The following LINC00305 variants were observed in gnomAD, a reference collection of about 807,000 sequenced individuals.
LINC00305 encodes the protein long independently transcribed non-coding RNA 305.
At chr18:64,144,790 A>G (rs953883691) in intron 1 of LINC00305, among the ~76,000 whole-genome samples, 2 of 152,196 alleles carry the variant, frequency 1.3e-5, no homozygotes, top group Non-Finnish European at 2.9e-5. Flanking sequence ...GACTGCCAGA[A>G]CGAGCCAGCA....
intron 1 of LINC00305, among the ~76,000 whole-genome samples, chr18:64,115,338 C>A (rs183876750): frequency 2.4e-4 from 37 of 152,242 alleles, no homozygotes; most frequent in Admixed American, 2.2e-3. Flanking sequence ...CATCAGGCAA[C>A]CCATTGAGAA....
At chr18:64,127,017 A>G (rs143912750) in intron 1 of LINC00305, among the ~76,000 whole-genome samples, 1 of 152,066 alleles carries the variant, frequency 6.6e-6, no homozygotes, top group East Asian at 1.9e-4. Flanking sequence ...GGTCTAGAAA[A>G]TTTTTTAAAT....
At chr18:64,111,461 T>C (rs116684928) in intron 1 of LINC00305, among the ~76,000 whole-genome samples, 3,122 of 152,278 alleles carry the variant, frequency 0.021, 101 homozygotes, top group African/African-American at 0.071. Flanking sequence ...GCAGCTCAAA[T>C]GGAAAATAAG....
At chr18:64,136,100 C>T (rs2051432351) in intron 1 of LINC00305, among the ~76,000 whole-genome samples, 1 of 152,142 alleles carries the variant, frequency 6.6e-6, no homozygotes, top group East Asian at 1.9e-4. Flanking sequence ...GGTGCCTCCA[C>T]CTGCTTTCTC....
intron 1 of LINC00305, among the ~76,000 whole-genome samples, chr18:64,139,850 T>A (rs1447274724): frequency 6.6e-6 from 1 of 152,172 alleles, no homozygotes; most frequent in Non-Finnish European, 1.5e-5. Context: ...TTATAGCATG[T>A]GGATCCTTTC....
intron 3 of LINC00305, among the ~76,000 whole-genome samples, chr18:64,086,209 A>C (rs1238363732): frequency 6.6e-6 from 1 of 152,236 alleles, no homozygotes; most frequent in African/African-American, 2.4e-5. Context: ...TAAAGTCATA[A>C]TAAATATAAC....
intron 1 of LINC00305, among the ~76,000 whole-genome samples, chr18:64,129,383 G>A (rs1368126352): frequency 6.6e-6 from 1 of 151,962 alleles, no homozygotes; most frequent in Admixed American, 6.6e-5. Context: ...TGGGGGTATG[G>A]GGATAGGTTT....
At chr18:64,122,858 G>T (rs2051368258) in intron 1 of LINC00305, among the ~76,000 whole-genome samples, 1 of 151,814 alleles carries the variant, frequency 6.6e-6, no homozygotes, top group Admixed American at 6.6e-5. Flanking sequence ...TTTTATCTAT[G>T]ATTTCTTTCA....
intron 1 of LINC00305, among the ~76,000 whole-genome samples, chr18:64,128,617 C>A (rs2051396012): frequency 6.6e-6 from 1 of 152,058 alleles, no homozygotes; most frequent in South Asian, 2.1e-4. Context: ...GATTTATTTG[C>A]TCTTCTGGTC....
intron 1 of LINC00305, among the ~76,000 whole-genome samples, chr18:64,146,126 C>T (rs574620971): frequency 1.2e-4 from 18 of 152,104 alleles, no homozygotes; most frequent in African/African-American, 4.3e-4. Context: ...AAGTTTTATT[C>T]AGCACTGAGT....
intron 1 of LINC00305, among the ~76,000 whole-genome samples, chr18:64,115,390 C>G (rs1192364115): frequency 6.6e-6 from 1 of 151,780 alleles, no homozygotes; most frequent in Non-Finnish European, 1.5e-5. Flanking sequence ...CACTGAGGAA[C>G]AAAATTAGGT....
At chr18:64,125,100 C>T (rs925448876) in intron 1 of LINC00305, among the ~76,000 whole-genome samples, 4 of 152,104 alleles carry the variant, frequency 2.6e-5, no homozygotes, top group Non-Finnish European at 5.9e-5. Flanking sequence ...ACTGTCTTAC[C>T]ACCAACATTC....
intron 1 of LINC00305, among the ~76,000 whole-genome samples, chr18:64,104,561 A>C (rs1288520873): frequency 6.6e-6 from 1 of 152,182 alleles, no homozygotes; most frequent in African/African-American, 2.4e-5. Context: ...ATGACAGGGG[A>C]TGTCATAGAA....
intron 3 of LINC00305, among the ~76,000 whole-genome samples, chr18:64,090,356 T>G (rs1047230499): frequency 6.6e-6 from 1 of 152,222 alleles, no homozygotes; most frequent in South Asian, 2.1e-4. Context: ...AGGCATTTTC[T>G]GAACTTACTT....
At chr18:64,089,679 C>T (rs1479881786) in intron 3 of LINC00305, among the ~76,000 whole-genome samples, 1 of 152,150 alleles carries the variant, frequency 6.6e-6, no homozygotes, top group Non-Finnish European at 1.5e-5. Context: ...GGATGATTTA[C>T]AAAAGAAAGA....
At chr18:64,084,163 G>A (rs2051194704) in intron 3 of LINC00305, among the ~76,000 whole-genome samples, 2 of 152,132 alleles carry the variant, frequency 1.3e-5, no homozygotes, top group Admixed American at 1.3e-4. Flanking sequence ...TCCAAGAAAG[G>A]CAATTTCTAC....
chr18:64,148,988 G>A (rs1413511313), exon 1 of LINC00305: 3 of 152,206 alleles, frequency 2.0e-5, no homozygotes, highest in Non-Finnish European at 2.9e-5. Context: ...TTGGAGACAA[G>A]TTCACAGGAA....
chr18:64,141,052 T>TAAAAAAAAA (rs34175314), intron 1 of LINC00305, among the ~76,000 whole-genome samples: 1 of 96,328 alleles, frequency 1.0e-5, no homozygotes, highest in African/African-American at 4.0e-5. Flanking sequence ...GCCTGAATGA[T>TAAAAAAAAA]AAAAAAAAAA....
chr18:64,091,126 G>T (rs544299749), intron 3 of LINC00305, among the ~76,000 whole-genome samples: 2 of 152,240 alleles, frequency 1.3e-5, no homozygotes, highest in Non-Finnish European at 2.9e-5. Context: ...TAACATGCTA[G>T]TGTTCCCTGG....
Sources: gnomAD v4.1 joint callset for allele counts (sites outside exome capture counted in the v4.1 genomes callset) on GRCh38, gnomAD v4.1.1 for gene constraint, MANE v1.5 for transcripts, NCBI Gene and HGNC (gene_info 2026-07-23, HGNC 2026-07-21) for gene names.